Variants in FRAS1 observed in about 807,000 individuals in gnomAD.
FRAS1 encodes the protein Fraser extracellular matrix complex subunit 1, also known as extracellular matrix organizing protein FRAS1.
A neutral mutation model predicts 435.2 loss-of-function variants in FRAS1; 290 were observed. That is an observed-to-expected ratio of 0.67 (90% CI 0.61 to 0.73). FRAS1 has a LOEUF of 0.73. Ranked by LOEUF, FRAS1 falls within the 30% of genes least tolerant of loss-of-function variation. The probability of loss-of-function intolerance (pLI) is 0.00; values close to 1 mark genes in which losing one functional copy is unlikely to be tolerated. For missense variants in FRAS1, 4,860 were observed against 5,001.5 expected, an observed-to-expected ratio of 0.97 and a Z score of 0.85; for synonymous variants, 1,800 against 1,851.0, an observed-to-expected ratio of 0.97 and a Z score of 0.71.
rs886059647 is a variant in FRAS1, at chr4:78,541,241, C to T, written c.*117C>T. 9 of 559,946 alleles carry T rather than the reference C, an allele frequency of 1.6e-5. No individual in the cohort carries two copies. The African/African-American group carries it at 1.7e-4, about 11-fold the overall frequency. The allele number at this position is 559,946 out of a possible 1,614,324, so 34.7% of individuals were successfully genotyped here. A position where few individuals can be genotyped will look rare whatever the true frequency, so the allele number is the denominator to read the frequency against. On this transcript the variant is annotated 3_prime_UTR_variant, in exon 74 of 74. Transcript: ENST00000512123. ...GAAAACTATAGCTTTGAGTGGCAGA[C>T]AGCACACATCACATGCATCAACTCA...
chr4:78,116,116 C>A (rs190577413), intron 2 of FRAS1, among the ~76,000 whole-genome samples: 1 of 152,188 alleles, frequency 6.6e-6, no homozygotes, highest in East Asian at 1.9e-4. Context: ...GCAGGTTATT[C>A]ATTTTCCATG....
chr4:78,516,275 T>C (rs1382980168), intron 66 of FRAS1, among the ~76,000 whole-genome samples: 1 of 152,242 alleles, frequency 6.6e-6, no homozygotes. Context: ...TTTACTTCTC[T>C]AGGCATATAT....
At chr4:78,481,586 A>C (rs190358080) in intron 56 of FRAS1, among the ~76,000 whole-genome samples, 6 of 152,260 alleles carry the variant, frequency 3.9e-5, no homozygotes, top group African/African-American at 1.4e-4. Context: ...GCCCTTCTCT[A>C]GGTCTCCTCT....
chr4:78,453,630 G>A (rs751384425), intron 47 of FRAS1, among the ~76,000 whole-genome samples: 3 of 151,980 alleles, frequency 2.0e-5, no homozygotes, highest in Non-Finnish European at 2.9e-5. Context: ...GTGAGACCCC[G>A]TTTATTTTCT....
At chr4:78,389,316 C>T (rs1424224763) in intron 29 of FRAS1, among the ~76,000 whole-genome samples, 1 of 152,204 alleles carries the variant, frequency 6.6e-6, no homozygotes, top group Non-Finnish European at 1.5e-5. Context: ...GCTAGAGAGA[C>T]TGGTTTGTTG....
intron 2 of FRAS1, among the ~76,000 whole-genome samples, chr4:78,095,005 A>G (rs940877641): frequency 1.3e-5 from 2 of 152,230 alleles, no homozygotes; most frequent in African/African-American, 4.8e-5. Context: ...TCTGCAGGAG[A>G]AACCTGATAT....
chr4:78,318,778 G>A, intron 17 of FRAS1, 32 bp from the exon 18 acceptor site: 1 of 1,522,094 alleles, frequency 6.6e-7, no homozygotes. Flanking sequence ...TTGATCCTTG[G>A]ATTATTTTCT....
rs372073195 is a variant in FRAS1, at chr4:78,473,447, A to G, written c.7532A>G (p.Asn2511Ser). 3.7e-6 allele frequency: 6 copies of G among 1,612,624 alleles called. No individual in the cohort carries two copies. Among genetic ancestry groups the G allele is most frequent in the Non-Finnish European group, 4.2e-6 (5 of 1,179,244 alleles). ...GTCTTTTTTCTCACAGAGGATGTGAACTTGGGGTTGATTCGTTATGTGTTG... is the reference window on the plus strand; with the variant it reads ...GTCTTTTTTCTCACAGAGGATGTGAGCTTGGGGTTGATTCGTTATGTGTTG... ...AAATFTQEDVNLGLIRYVLHK... is the reference protein window; with the variant it reads ...AAATFTQEDVSLGLIRYVLHK... The change falls in exon 53 of 74, where the codon AAC (asparagine) becomes AGC (serine). Residue 2511 changes from asparagine to serine, a missense_variant. Physicochemically the swap from Asn to Ser is conservative, Grantham distance 46 (BLOSUM62 1). Transcript: ENST00000512123.
intron 72 of FRAS1, 54 bp downstream of exon 72, chr4:78,537,254 C>A: frequency 1.3e-6 from 2 of 1,521,134 alleles, no homozygotes; most frequent in Non-Finnish European, 9.0e-7. Flanking sequence ...AGCAGATTTC[C>A]TCAGCTATGA....
In FRAS1 at chr4:78,058,103, C is replaced by CGTGA; in HGVS notation, c.76+21_76+22insAGTG. 1.3e-6 allele frequency: 2 copies of CGTGA among 1,528,910 alleles called. No individual in the cohort carries two copies. The highest frequency in any genetic ancestry group is 1.8e-6 in the Non-Finnish European group (2 of 1,112,914). The allele number at this position is 1,528,910 out of a possible 1,614,324, so 94.7% of individuals were successfully genotyped here. On this transcript the variant is annotated intron_variant, in intron 1 of 73. Coordinates refer to ENST00000512123, the MANE Select transcript of FRAS1 (RefSeq NM_025074.7). ...TTCCGAAGGTGAGAGAGCGGTGCCG[C>CGTGA]GTGTGTGTGTGTGTGTGCGTGTGCG...
At chr4:78,077,929 A>G (rs571843771) in intron 2 of FRAS1, among the ~76,000 whole-genome samples, 1 of 152,002 alleles carries the variant, frequency 6.6e-6, no homozygotes, top group Non-Finnish European at 1.5e-5. Context: ...CAGCAAATAT[A>G]AAAGAGAGAA....
intron 19 of FRAS1, among the ~76,000 whole-genome samples, chr4:78,333,679 T>A (rs1470938023): frequency 6.6e-6 from 1 of 152,228 alleles, no homozygotes; most frequent in Non-Finnish European, 1.5e-5. Flanking sequence ...TGGTTTTCTC[T>A]TGCCTGGAAG....
chr4:78,448,840 T>C (rs1310196632), intron 44 of FRAS1, among the ~76,000 whole-genome samples: 2 of 152,180 alleles, frequency 1.3e-5, no homozygotes, highest in Admixed American at 6.5e-5. Flanking sequence ...TTAAGCAACA[T>C]TGGAGGACCT....
chr4:78,057,743 C>G lies in FRAS1; in HGVS notation c.-267C>G. 1.9e-6 allele frequency: 1 copy of G among 538,666 alleles called. No homozygotes were observed. 33.4% of individuals were successfully genotyped at this position (538,666 alleles called of 1,614,324 possible). On this transcript the variant is annotated 5_prime_UTR_variant, in exon 1 of 74. Coordinates refer to ENST00000512123, the MANE Select transcript of FRAS1 (RefSeq NM_025074.7). The surrounding 1 kb of genome is among the most constrained non-coding windows in gnomAD (Gnocchi z 4.2). Reference sequence around the variant, plus strand: ...TGTGCTCTGCCTCCTCTTATTCTCCCAAAGCTCACGTTGGCGTCCTGCCTT... The same window carrying G: ...TGTGCTCTGCCTCCTCTTATTCTCCGAAAGCTCACGTTGGCGTCCTGCCTT...
intron 32 of FRAS1, among the ~76,000 whole-genome samples, chr4:78,417,114 T>G (rs1386506772): frequency 1.3e-5 from 2 of 152,212 alleles, no homozygotes; most frequent in Non-Finnish European, 2.9e-5. Context: ...GATTATACTT[T>G]GATATATCTC....
At position 78,400,905 on chromosome 4, in the gene FRAS1, T is replaced by C; in HGVS notation, c.4129+18T>C. On this transcript the variant is annotated intron_variant, in intron 30 of 73. Coordinates refer to ENST00000512123, the MANE Select transcript of FRAS1 (RefSeq NM_025074.7). ...CCAGTTTGGTAACTATTTTTTCCTT[T>C]GGCGTGGTTTCATCGTTGCATTCAG... 1 of 1,612,398 alleles carries C rather than the reference T, an allele frequency of 6.2e-7. No individual in the cohort carries two copies.
At chr4:78,118,990 A>G (rs373485249) in intron 2 of FRAS1, among the ~76,000 whole-genome samples, 3 of 150,958 alleles carry the variant, frequency 2.0e-5, no homozygotes, top group Non-Finnish European at 3.0e-5. Flanking sequence ...TATATTGTGT[A>G]TGTAACTCTT....
At chr4:78,540,487 T>G (rs780957494) in intron 73 of FRAS1, 44 bp from the exon 74 acceptor site, 2 of 1,269,514 alleles carry the variant, frequency 1.6e-6, no homozygotes, top group Admixed American at 5.0e-5. Flanking sequence ...TCTTCAGAGG[T>G]GGTCTGTGGG....
intron 1 of FRAS1, among the ~76,000 whole-genome samples, chr4:78,063,246 C>T (rs1739838681): frequency 6.6e-6 from 1 of 152,206 alleles, no homozygotes; most frequent in Non-Finnish European, 1.5e-5. Flanking sequence ...TGTCAACAAA[C>T]CCCTCAACTT....
Sources: gnomAD v4.1 joint callset for allele counts (sites outside exome capture counted in the v4.1 genomes callset) on GRCh38, gnomAD v4.1.1 for gene constraint, Gnocchi (gnomAD v3.1) non-coding constraint, MANE v1.5 for transcripts, NCBI Gene and HGNC (gene_info 2026-07-23, HGNC 2026-07-21) for gene names.